The following SLC9D1 variants were observed in gnomAD, a reference collection of about 807,000 sequenced individuals.
The protein encoded by SLC9D1 is putative LAG1-interacting protein.
the SLC9D1 span, among the ~76,000 whole-genome samples, chr13:113,546,266 G>A: frequency 3.9e-5 from 6 of 152,076 alleles, no homozygotes; most frequent in Non-Finnish European, 5.9e-5. The surrounding 1 kb of genome is among the most constrained non-coding windows in gnomAD (Gnocchi z 7.1). Context: ...GACTGGGGCC[G>A]GGGCTCAGCT....
chr13:113,511,695 G>A, the SLC9D1 span: 1 of 152,352 alleles, frequency 6.6e-6, no homozygotes, highest in Non-Finnish European at 1.5e-5. Flanking sequence ...AGGGTCGGGG[G>A]CTGAGTGAAA....
At chr13:113,500,238 C>T in the SLC9D1 span, 2 of 779,300 alleles carry the variant, frequency 2.6e-6, no homozygotes, top group Non-Finnish European at 3.7e-6. Flanking sequence ...GAACAAGGCA[C>T]AGCCTTCCTT....
At chr13:113,526,305 TTC>T in the SLC9D1 span, among the ~76,000 whole-genome samples, 1 of 152,240 alleles carries the variant, frequency 6.6e-6, no homozygotes, top group African/African-American at 2.4e-5. Flanking sequence ...GCCATACAGT[TTC>T]TGTTTTAAGT....
chr13:113,550,034 T>G, the SLC9D1 span: 1 of 216,782 alleles, frequency 4.6e-6, no homozygotes, highest in Non-Finnish European at 9.2e-6. Flanking sequence ...AGCCTATGTT[T>G]TCTAAAATGA....
the SLC9D1 span, chr13:113,547,499 C>T: frequency 1.4e-5 from 11 of 767,212 alleles, no homozygotes; most frequent in Non-Finnish European, 2.4e-5. Context: ...CTCCTCATCT[C>T]GGAGGAGGCC....
At chr13:113,506,479 C>T in the SLC9D1 span, among the ~76,000 whole-genome samples, 2 of 152,086 alleles carry the variant, frequency 1.3e-5, no homozygotes, top group Non-Finnish European at 2.9e-5. Context: ...GTCCAGTGCC[C>T]TGTCTCACCA....
At chr13:113,502,408 T>A in the SLC9D1 span, among the ~76,000 whole-genome samples, 4 of 151,920 alleles carry the variant, frequency 2.6e-5, no homozygotes, top group African/African-American at 9.7e-5. Flanking sequence ...AGAGACGGGG[T>A]TTCACTATGT....
the SLC9D1 span, chr13:113,501,986 G>C: frequency 2.2e-6 from 2 of 893,624 alleles, no homozygotes; most frequent in Non-Finnish European, 3.5e-6. Context: ...TACCAGCTTC[G>C]TATAAACCAT....
At chr13:113,531,396 G>A in the SLC9D1 span, among the ~76,000 whole-genome samples, 2 of 152,274 alleles carry the variant, frequency 1.3e-5, no homozygotes, top group African/African-American at 4.8e-5. Flanking sequence ...CAGAACAGCC[G>A]TGGACACGGC....
At chr13:113,497,148 T>A in the SLC9D1 span, among the ~76,000 whole-genome samples, 16 of 148,482 alleles carry the variant, frequency 1.1e-4, no homozygotes, top group African/African-American at 3.5e-4. Flanking sequence ...CAGTTGTGTG[T>A]CAGTCAAACC....
the SLC9D1 span, among the ~76,000 whole-genome samples, chr13:113,499,587 G>A: frequency 5.9e-5 from 9 of 152,152 alleles, no homozygotes; most frequent in Admixed American, 2.0e-4. Flanking sequence ...TTGACTGTGG[G>A]TCTTGAGGAC....
chr13:113,501,722 C>G, the SLC9D1 span: 1 of 1,590,616 alleles, frequency 6.3e-7, no homozygotes, highest in Admixed American at 1.7e-5. Context: ...TTATCTTATA[C>G]TTCTGTTTCT....
At chr13:113,542,726 G>T in the SLC9D1 span, among the ~76,000 whole-genome samples, 1 of 152,168 alleles carries the variant, frequency 6.6e-6, no homozygotes, top group Non-Finnish European at 1.5e-5. Flanking sequence ...CCTGGCAGCT[G>T]TCCACTCAGC....
the SLC9D1 span, among the ~76,000 whole-genome samples, chr13:113,533,501 TG>T: frequency 6.6e-6 from 1 of 152,174 alleles, no homozygotes; most frequent in Non-Finnish European, 1.5e-5. Context: ...CGGCAGATAG[TG>T]GATGTCCGCT....
At chr13:113,526,260 GAATA>G in the SLC9D1 span, among the ~76,000 whole-genome samples, 13 of 152,110 alleles carry the variant, frequency 8.5e-5, no homozygotes, top group African/African-American at 2.7e-4. Context: ...AAAACGTATA[GAATA>G]AATAAGAAGA....
the SLC9D1 span, among the ~76,000 whole-genome samples, chr13:113,513,911 T>TC: frequency 5.3e-5 from 8 of 152,148 alleles, no homozygotes; most frequent in Admixed American, 2.6e-4. Context: ...ACTGAGGATG[T>TC]CCCGGTGGAT....
chr13:113,498,291 C>T, the SLC9D1 span: 1 of 1,329,638 alleles, frequency 7.5e-7, no homozygotes, highest in South Asian at 1.6e-5. Flanking sequence ...AAAGTCATGT[C>T]CTAGCTTATT....
the SLC9D1 span, among the ~76,000 whole-genome samples, chr13:113,493,716 C>A: frequency 6.6e-6 from 1 of 152,164 alleles, no homozygotes; most frequent in Non-Finnish European, 1.5e-5. Context: ...GAGTCAGTCT[C>A]CAAGAATGTT....
the SLC9D1 span, among the ~76,000 whole-genome samples, chr13:113,533,452 G>A: frequency 3.3e-3 from 496 of 152,356 alleles, 5 homozygotes; most frequent in East Asian, 0.03. Flanking sequence ...GGCCTGAGTG[G>A]TGGAAGGCTA....
Sources: allele counts gnomAD v4.1 joint callset (sites outside exome capture counted in the v4.1 genomes callset), GRCh38; gene constraint gnomAD v4.1.1; non-coding constraint Gnocchi (gnomAD v3.1); transcripts MANE v1.5; gene names NCBI Gene and HGNC (gene_info 2026-07-23, HGNC 2026-07-21).